Variants in SRGAP1 observed in about 807,000 individuals in gnomAD.
SRGAP1 encodes the protein SLIT-ROBO Rho GTPase-activating protein 1.
A neutral mutation model predicts 121.9 loss-of-function variants in SRGAP1; 43 were observed. The ratio of observed to expected loss-of-function variants is 0.35; its 90% CI spans 0.28 to 0.46. The LOEUF is 0.46. Among genes scored for constraint, SRGAP1 ranks in the 20% least tolerant of loss-of-function variants. The pLI, the probability that SRGAP1 is intolerant of heterozygous loss-of-function variation, is 1.00. For missense variants in SRGAP1, 1,102 were observed against 1,350.9 expected (o/e 0.82, Z 2.89); for synonymous variants, 447 against 485.4 (o/e 0.92, Z 1.04).
intron 7 of SRGAP1, 127 bp from the exon 8 acceptor site, chr12:64,064,991 A>G: frequency 1.6e-6 from 1 of 636,064 alleles, no homozygotes; most frequent in South Asian, 2.1e-5. Flanking sequence ...GTGCCTATTA[A>G]AAGTAAATAT....
intron 1 of SRGAP1, among the ~76,000 whole-genome samples, chr12:63,897,324 T>C (rs1047735652): frequency 2.0e-5 from 3 of 152,208 alleles, no homozygotes; most frequent in Admixed American, 1.3e-4. Flanking sequence ...AGCATAAGAA[T>C]ATGTGCAGCC....
In SRGAP1 at chr12:63,987,890, T is replaced by A. The variant is rs547272978; in HGVS notation, c.264-2020T>A. 7.9e-5 allele frequency among the ~76,000 whole-genome samples: 12 copies of A among 152,304 alleles called. No individual in the cohort carries two copies. The East Asian group carries it at 1.7e-3, about 22-fold the overall frequency. The stretch of plus-strand genomic sequence containing the variant: ...ATACAAGGCATTATTATAAGCATTT[T>A]AAAATATATGTTAACTCCAGTGATT... On this transcript the variant is annotated intron_variant, in intron 2 of 21. Transcript: ENST00000355086.
intron 3 of SRGAP1, among the ~76,000 whole-genome samples, chr12:64,003,410 C>T (rs902260113): frequency 3.6e-5 from 5 of 140,706 alleles, no homozygotes; most frequent in African/African-American, 1.3e-4. Context: ...ATAAAGCAAC[C>T]ACGATAAAAA....
intron 11 of SRGAP1, among the ~76,000 whole-genome samples, chr12:64,087,278 G>A (rs529905536): frequency 2.4e-4 from 36 of 152,122 alleles, no homozygotes; most frequent in Admixed American, 1.2e-3. Context: ...AAGTTAAACC[G>A]GCTTGGTTTA....
chr12:63,986,614 G>T (rs376439817), intron 2 of SRGAP1, among the ~76,000 whole-genome samples: 2 of 152,256 alleles, frequency 1.3e-5, no homozygotes, highest in East Asian at 1.9e-4. Context: ...CTAGAGACAG[G>T]GTTTTGCCAT....
intron 3 of SRGAP1, among the ~76,000 whole-genome samples, chr12:63,999,037 CCTTA>C (rs2033799342): frequency 1.3e-5 from 2 of 151,964 alleles, no homozygotes; most frequent in African/African-American, 4.8e-5. Context: ...GGGAGAAGCC[CCTTA>C]CTTCTTATGA....
intron 1 of SRGAP1, among the ~76,000 whole-genome samples, chr12:63,852,684 C>G (rs1899115318): frequency 6.6e-6 from 1 of 152,204 alleles, no homozygotes; most frequent in African/African-American, 2.4e-5. Flanking sequence ...GTAGTTCAGT[C>G]AGTGGATTTG....
intron 1 of SRGAP1, among the ~76,000 whole-genome samples, chr12:63,927,773 A>G (rs1173012434): frequency 6.6e-6 from 1 of 152,022 alleles, no homozygotes; most frequent in Non-Finnish European, 1.5e-5. Context: ...ATGGTTGGTA[A>G]TATACCATAA....
intron 1 of SRGAP1, among the ~76,000 whole-genome samples, chr12:63,865,340 G>T (rs1899590032): frequency 6.6e-6 from 1 of 151,968 alleles, no homozygotes; most frequent in Admixed American, 6.6e-5. Context: ...ATGGTGGTGG[G>T]TGCCTATAAT....
chr12:63,981,717 C>T (rs959234210), intron 1 of SRGAP1, among the ~76,000 whole-genome samples: 2 of 152,098 alleles, frequency 1.3e-5, no homozygotes, highest in Non-Finnish European at 2.9e-5. Flanking sequence ...TAAAATCCTG[C>T]AATCTAGAGG....
chr12:64,047,914 C>G (rs1374998373), intron 6 of SRGAP1, among the ~76,000 whole-genome samples: 1 of 152,066 alleles, frequency 6.6e-6, no homozygotes, highest in Non-Finnish European at 1.5e-5. Context: ...GCATACAATG[C>G]ATAATAATCA....
At chr12:63,928,236 T>C (rs1466294706) in intron 1 of SRGAP1, among the ~76,000 whole-genome samples, 1 of 152,200 alleles carries the variant, frequency 6.6e-6, no homozygotes. Context: ...GAGTATAAAA[T>C]GGTACAACTA....
intron 4 of SRGAP1, among the ~76,000 whole-genome samples, chr12:64,038,382 TA>T (rs993517827): frequency 3.9e-5 from 6 of 152,144 alleles, no homozygotes; most frequent in Non-Finnish European, 7.4e-5. Context: ...GACGACCTTG[TA>T]AAGTAATCAA....
chr12:64,107,395 G>A (rs773100467), intron 15 of SRGAP1, among the ~76,000 whole-genome samples: 105 of 152,222 alleles, frequency 6.9e-4, no homozygotes, highest in Admixed American at 1.7e-3. Context: ...AAGAGGAATC[G>A]GAAAGGGAAA....
chr12:64,068,349 T>G (rs945723959), intron 8 of SRGAP1, among the ~76,000 whole-genome samples: 2 of 151,872 alleles, frequency 1.3e-5, no homozygotes, highest in Non-Finnish European at 2.9e-5. Context: ...AAAAAAATTT[T>G]TTTTGAGACA....
At chr12:63,905,194 G>A (rs745746894) in intron 1 of SRGAP1, among the ~76,000 whole-genome samples, 4 of 152,118 alleles carry the variant, frequency 2.6e-5, no homozygotes, top group Admixed American at 1.3e-4. Flanking sequence ...TTTCAGTATC[G>A]TTAGTGCCTT....
At chr12:63,901,309 C>T (rs1290251495) in intron 1 of SRGAP1, among the ~76,000 whole-genome samples, 1 of 152,162 alleles carries the variant, frequency 6.6e-6, no homozygotes, top group Non-Finnish European at 1.5e-5. Context: ...ATTCCCAGTC[C>T]TGCACCATGT....
At chr12:63,895,304 A>G (rs1900718334) in intron 1 of SRGAP1, among the ~76,000 whole-genome samples, 1 of 152,184 alleles carries the variant, frequency 6.6e-6, no homozygotes, top group African/African-American at 2.4e-5. Context: ...ATTTCTTGGT[A>G]CACATGCAGG....
intron 10 of SRGAP1, among the ~76,000 whole-genome samples, chr12:64,082,919 A>T (rs974338052): frequency 3.9e-5 from 6 of 152,202 alleles, no homozygotes; most frequent in Admixed American, 2.0e-4. Flanking sequence ...GGTTGCAGAC[A>T]TCTCTGCTTC....
Sources: gnomAD v4.1 joint callset for allele counts (sites outside exome capture counted in the v4.1 genomes callset) on GRCh38, gnomAD v4.1.1 for gene constraint, MANE v1.5 for transcripts, NCBI Gene and HGNC (gene_info 2026-07-23, HGNC 2026-07-21) for gene names.